The following SLC8B1 variants were observed in gnomAD, a reference collection of about 807,000 sequenced individuals.
SLC8B1 encodes mitochondrial sodium/calcium exchanger protein.
A neutral mutation model predicts 63.4 loss-of-function variants in SLC8B1; 52 were observed. The observed-to-expected ratio is 0.82, with a 90% confidence interval of 0.66 to 1.03. The LOEUF is 1.03. Ranked by LOEUF, SLC8B1 falls within the 50% of genes least tolerant of loss-of-function variation. The probability of loss-of-function intolerance (pLI) is 0.00; values close to 1 mark genes in which losing one functional copy is unlikely to be tolerated. For missense variants in SLC8B1, 657 were observed against 741.7 expected (o/e 0.89, Z 1.33); for synonymous variants, 336 against 323.9 (o/e 1.04, Z -0.40).
At chr12:113,315,595 C>CTTGTATTTGTATAT in intron 10 of SLC8B1, 119 bp from the exon 11 acceptor site, 1 of 1,269,996 alleles carries the variant, frequency 7.9e-7, no homozygotes, top group Non-Finnish European at 1.0e-6. Flanking sequence ...TGACTGTGTG[C>CTTGTATTTGTATAT]GGGTTCCAGG....
intron 3 of SLC8B1, 25 bp downstream of exon 3, chr12:113,321,171 C>T (rs1325966501): frequency 1.9e-6 from 3 of 1,613,890 alleles, no homozygotes; most frequent in Non-Finnish European, 2.5e-6. Flanking sequence ...GCCCCTCTCA[C>T]CAGCCCCCCA....
At chr12:113,330,230 A>G (rs1409002788) in intron 2 of SLC8B1, among the ~76,000 whole-genome samples, 1 of 152,182 alleles carries the variant, frequency 6.6e-6, no homozygotes, top group East Asian at 1.9e-4. Context: ...CCTGGCACAT[A>G]GTAGGTGCTC....
Position 113,307,845 on chromosome 12 carries a change from C to T in SLC8B1, c.1258-1G>A. 6.2e-7 allele frequency: 1 copy of T among 1,611,534 alleles called. No homozygotes were observed. Among genetic ancestry groups the T allele is most frequent in the South Asian group, 1.1e-5 (1 of 91,024 alleles). On this transcript the variant is annotated splice_acceptor_variant, in intron 12 of 15. Transcript: ENST00000680972. LOFTEE classifies it high-confidence loss of function. ...TCAGAAAGCCCAGGAAAGCAAAGAG[C>T]TGCGGAGGGAATGGTTTGCTGTGGG...
intron 11 of SLC8B1, 112 bp from the exon 12 acceptor site, chr12:113,310,467 A>G: frequency 7.1e-7 from 1 of 1,400,282 alleles, no homozygotes; most frequent in Middle Eastern, 1.9e-4. Context: ...CCTGTCCTAG[A>G]CACTTCATGG....
At chr12:113,317,661 A>G (rs1187232303) in intron 8 of SLC8B1, among the ~76,000 whole-genome samples, 1 of 152,166 alleles carries the variant, frequency 6.6e-6, no homozygotes, top group East Asian at 1.9e-4. Context: ...CTGAAAGGAA[A>G]ATGGCCCTCC....
chr12:113,315,328 T>A lies in SLC8B1; in HGVS notation c.1135+7A>T, dbSNP rs1390078759. Reference sequence around the variant, plus strand: ...AGGTGGGTTGGCCCGGGGTAGGGGATACTCACAGGTCCCCGACTGCAGGGT... The same window carrying A: ...AGGTGGGTTGGCCCGGGGTAGGGGAAACTCACAGGTCCCCGACTGCAGGGT... On this transcript the variant is annotated splice_region_variant and intron_variant, in intron 11 of 15. Coordinates refer to ENST00000680972, the MANE Select transcript of SLC8B1 (RefSeq NM_001358345.2). 1.3e-6 allele frequency: 2 copies of A among 1,524,454 alleles called. No homozygotes were observed. Among genetic ancestry groups the A allele is most frequent in the Non-Finnish European group, 1.8e-6 (2 of 1,131,696 alleles). 94.4% of individuals were successfully genotyped at this position (1,524,454 alleles called of 1,614,324 possible).
chr12:113,322,467 C>T (rs1433065279), intron 2 of SLC8B1, among the ~76,000 whole-genome samples: 1 of 152,124 alleles, frequency 6.6e-6, no homozygotes, highest in Non-Finnish European at 1.5e-5. Flanking sequence ...TTCAATATAG[C>T]CAATGAGCTT....
intron 11 of SLC8B1, among the ~76,000 whole-genome samples, chr12:113,310,671 A>G (rs1283651616): frequency 6.6e-6 from 1 of 152,154 alleles, no homozygotes; most frequent in Admixed American, 6.6e-5. Flanking sequence ...CTTCCATCCA[A>G]CTGCATTTCC....
chr12:113,323,769 A>G (rs998574369), intron 2 of SLC8B1, among the ~76,000 whole-genome samples: 10 of 152,156 alleles, frequency 6.6e-5, no homozygotes, highest in African/African-American at 2.4e-4. Context: ...GTATTTCATT[A>G]TAATTTTTTA....
rs1956926644 is a variant in SLC8B1 at position 113,321,338 on chromosome 12, A to G, written c.167T>C (p.Val56Ala). The change falls in exon 3 of 16, where the codon GTG (valine) becomes GCG (alanine). Residue 56 changes from valine to alanine, a missense_variant. Physicochemically the swap from Val to Ala is moderately conservative, Grantham distance 64 (BLOSUM62 0). Coordinates refer to ENST00000680972, the MANE Select transcript of SLC8B1 (RefSeq NM_001358345.2). ...GCGGTCAGAGACATTCAGGCCACAC[A>G]CCTTGCGGCACTGCAGGAAGACAGG... ...NQTPVVDCRK[V>A]CGLNVSDRCD... 1.2e-6 allele frequency: 2 copies of G among 1,613,920 alleles called. No individual in the cohort carries two copies. The highest frequency in any genetic ancestry group is 1.3e-5 in the African/African-American group (1 of 74,860).
At chr12:113,306,787 C>G (rs16942736) in intron 13 of SLC8B1, 25,622 of 557,038 alleles carry the variant, frequency 0.046, 1,294 homozygotes, top group Admixed American at 0.2. Flanking sequence ...CCCACTCTTT[C>G]ACACCAGGAA....
At chr12:113,304,507 C>T in intron 14 of SLC8B1, 122 bp from the exon 15 acceptor site, 1 of 838,642 alleles carries the variant, frequency 1.2e-6, no homozygotes, top group Non-Finnish European at 1.9e-6. Context: ...GAACTTGGGC[C>T]AGGCGCAGTG....
chr12:113,303,647 T>G (rs1173160203), intron 15 of SLC8B1, among the ~76,000 whole-genome samples: 1 of 152,072 alleles, frequency 6.6e-6, no homozygotes, highest in Admixed American at 6.6e-5. Flanking sequence ...GATTTTCGAA[T>G]AGAAAAAAAT....
chr12:113,324,648 C>G (rs1342711319), intron 2 of SLC8B1, among the ~76,000 whole-genome samples: 1 of 152,008 alleles, frequency 6.6e-6, no homozygotes, highest in Non-Finnish European at 1.5e-5. Flanking sequence ...CTCAAGTGAT[C>G]TACCTGCCTT....
At chr12:113,312,246 C>T (rs1356828278) in intron 11 of SLC8B1, among the ~76,000 whole-genome samples, 2 of 152,010 alleles carry the variant, frequency 1.3e-5, no homozygotes, top group Admixed American at 1.3e-4. Context: ...CCAGCCTGGC[C>T]AACATGGTGA....
chr12:113,317,071 G>C, intron 8 of SLC8B1, 70 bp from the exon 9 acceptor site: 1 of 1,351,206 alleles, frequency 7.4e-7, no homozygotes. Flanking sequence ...GGACAGAGCA[G>C]GTTTAGGGGT....
chr12:113,306,669 C>G, intron 13 of SLC8B1, 94 bp from the exon 14 acceptor site: 1 of 1,034,548 alleles, frequency 9.7e-7, no homozygotes, highest in Admixed American at 2.0e-5. Flanking sequence ...GTCATTCAGG[C>G]AACAAACACA....
intron 2 of SLC8B1, among the ~76,000 whole-genome samples, chr12:113,324,336 A>C (rs2136860588): frequency 6.6e-6 from 1 of 151,860 alleles, no homozygotes; most frequent in South Asian, 2.1e-4. Flanking sequence ...AACAAAAAAA[A>C]AAACTTTTCT....
rs774720312 is a variant in SLC8B1, at chr12:113,320,307, C to G, written c.694+24G>C. The G allele has an allele frequency of 2.5e-6, 4 of 1,611,596 alleles. No individual in the cohort carries two copies. Among genetic ancestry groups the G allele is most frequent in the Non-Finnish European group, 3.4e-6 (4 of 1,178,638 alleles). On this transcript the variant is annotated intron_variant, in intron 7 of 15. Transcript: ENST00000680972. This position sits in a 1 kb window ranked among gnomAD's most constrained non-coding sequence, Gnocchi z 5.3. The stretch of plus-strand genomic sequence containing the variant: ...CCTGCCCATCAGCCCTGGGATCTCA[C>G]GCCTGAGCCCCAGAGCTGCTCACCC...
Sources: allele counts gnomAD v4.1 joint callset (sites outside exome capture counted in the v4.1 genomes callset), GRCh38; gene constraint gnomAD v4.1.1; non-coding constraint Gnocchi (gnomAD v3.1); transcripts MANE v1.5; gene names NCBI Gene and HGNC (gene_info 2026-07-23, HGNC 2026-07-21).